The following KATNAL2 variants were observed in gnomAD, a reference collection of about 807,000 sequenced individuals.
KATNAL2 encodes the protein katanin p60 ATPase-containing subunit A-like 2.
A neutral mutation model predicts 76.3 loss-of-function variants in KATNAL2; 52 were observed. The observed-to-expected ratio is 0.68, with a 90% CI of 0.55 to 0.86. KATNAL2 has a LOEUF of 0.86. KATNAL2 is among the 40% of genes least tolerant of loss of function. The pLI, the probability that KATNAL2 is intolerant of heterozygous loss-of-function variation, is 0.00. For missense variants in KATNAL2, 660 were observed against 668.9 expected, an observed-to-expected ratio of 0.99 and a Z score of 0.15; for synonymous variants, 243 against 244.2, an observed-to-expected ratio of 1.00 and a Z score of 0.05.
At chr18:47,032,989 G>T in intron 3 of KATNAL2, 10 of 1,614,010 alleles carry the variant, frequency 6.2e-6, no homozygotes, top group South Asian at 1.1e-5. Flanking sequence ...TTATCTGCAA[G>T]GCAAGTCCTG....
intron 2 of KATNAL2, 101 bp downstream of exon 2, chr18:46,946,647 T>C: frequency 8.6e-7 from 1 of 1,168,976 alleles, no homozygotes; most frequent in Non-Finnish European, 1.1e-6. Context: ...CTCTTCGATC[T>C]CTTCATTGGC....
At chr18:46,921,684 AAC>A (rs905804183) in intron 1 of KATNAL2, among the ~76,000 whole-genome samples, 1 of 150,248 alleles carries the variant, frequency 6.7e-6, no homozygotes, top group African/African-American at 2.5e-5. Context: ...ACAGCTGATA[AAC>A]ACATAACAAA....
intron 7 of KATNAL2, among the ~76,000 whole-genome samples, chr18:47,059,263 A>G (rs1224764456): frequency 1.3e-5 from 2 of 152,186 alleles, no homozygotes; most frequent in Non-Finnish European, 2.9e-5. Flanking sequence ...AAGACGAGCC[A>G]GCGAATGGGG....
At chr18:47,032,147 G>A (rs867544366) in intron 3 of KATNAL2, among the ~76,000 whole-genome samples, 19 of 152,334 alleles carry the variant, frequency 1.2e-4, no homozygotes, top group South Asian at 8.3e-4. Context: ...TGAAAAGTTT[G>A]GGAATGATTC....
At chr18:46,925,621 T>C (rs906635168) in intron 1 of KATNAL2, among the ~76,000 whole-genome samples, 3 of 152,236 alleles carry the variant, frequency 2.0e-5, no homozygotes, top group Non-Finnish European at 4.4e-5. Flanking sequence ...GAGGATTCCC[T>C]CTTTTTCTAT....
chr18:47,059,000 G>C (rs1234856751), intron 7 of KATNAL2, among the ~76,000 whole-genome samples: 1 of 152,100 alleles, frequency 6.6e-6, no homozygotes, highest in Non-Finnish European at 1.5e-5. Flanking sequence ...AAAGGAAAGA[G>C]GACCAATGGA....
intron 1 of KATNAL2, among the ~76,000 whole-genome samples, chr18:46,929,798 G>A (rs1030218084): frequency 7.9e-5 from 12 of 152,050 alleles, no homozygotes; most frequent in Non-Finnish European, 1.0e-4. Context: ...TTTTGAGACA[G>A]AGTTTCACTC....
In KATNAL2 at chr18:47,077,382, A is replaced by G. The variant is rs757206725; in HGVS notation, c.1132A>G (p.Thr378Ala). Reference protein sequence around the residue: ...GEHEGSLRMKTELLVQMDGLA... With the variant: ...GEHEGSLRMKAELLVQMDGLA... ...ACATGAAGGAAGCCTGCGGATGAAG[A>G]CAGAGTTACTGGTGCAGATGGATGG... The change falls in exon 15 of 18, where the codon ACA (threonine) becomes GCA (alanine). Residue 378 changes from threonine to alanine, a missense_variant. Thr to Ala is a moderately conservative substitution (Grantham distance 58, BLOSUM62 0). Transcript: ENST00000683218. 5.0e-6 allele frequency: 8 copies of G among 1,613,982 alleles called. No individual in the cohort carries two copies. The South Asian group carries it at 7.7e-5, about 16-fold the overall frequency.
intron 15 of KATNAL2, among the ~76,000 whole-genome samples, chr18:47,085,085 C>T (rs2062713875): frequency 6.6e-6 from 1 of 152,064 alleles, no homozygotes; most frequent in African/African-American, 2.4e-5. Context: ...CTTTGTGTTT[C>T]TTCCTGTGCT....
rs1555824605 is a variant in KATNAL2 at position 46,931,136 on chromosome 18, T to TAATA, written c.-510+13222_-510+13225dup. 4.1e-3 allele frequency among the ~76,000 whole-genome samples: 550 copies of TAATA among 132,742 alleles called. 7 individuals are homozygous for TAATA. Among genetic ancestry groups the TAATA allele is most frequent in the African/African-American group, 0.015 (528 of 34,988 alleles). 87.1% of individuals were successfully genotyped at this position (132,742 alleles called of 152,430 possible). The stretch of plus-strand genomic sequence containing the variant: ...ATAATAATAATAATAATAATAATAA[T>TAATA]AATAAATAAATAAATTAGCCAGGCG... On this transcript the variant is annotated intron_variant, in intron 1 of 17. Coordinates refer to ENST00000683218, the MANE Select transcript of KATNAL2 (RefSeq NM_001387690.1).
At chr18:47,034,881 G>C in intron 3 of KATNAL2, 1 of 1,612,144 alleles carries the variant, frequency 6.2e-7, no homozygotes, top group Non-Finnish European at 8.5e-7. Context: ...CTGTCCGTCT[G>C]TGCTCAGGGC....
At chr18:46,926,014 G>C (rs1430927192) in intron 1 of KATNAL2, among the ~76,000 whole-genome samples, 1 of 151,894 alleles carries the variant, frequency 6.6e-6, no homozygotes, top group Non-Finnish European at 1.5e-5. Flanking sequence ...TATCAATTTT[G>C]TTGATCTTTT....
At chr18:47,078,295 T>G (rs1455508731) in intron 15 of KATNAL2, among the ~76,000 whole-genome samples, 1 of 152,146 alleles carries the variant, frequency 6.6e-6, no homozygotes, top group Non-Finnish European at 1.5e-5. Context: ...CTGTAGTGCA[T>G]GCTAATTATC....
intron 1 of KATNAL2, among the ~76,000 whole-genome samples, chr18:46,933,740 T>G (rs1205178813): frequency 7.4e-6 from 1 of 134,400 alleles, no homozygotes; most frequent in African/African-American, 2.8e-5. Context: ...GCTGCACCCA[T>G]TAACTCGTCA....
At chr18:47,033,941 G>A in intron 3 of KATNAL2, 1 of 1,613,002 alleles carries the variant, frequency 6.2e-7, no homozygotes, top group Non-Finnish European at 8.5e-7. Flanking sequence ...CCGGCCGCCT[G>A]CAGCCTCTCT....
chr18:47,071,947 T>TTTC (rs769575055), intron 13 of KATNAL2, among the ~76,000 whole-genome samples: 1 of 103,424 alleles, frequency 9.7e-6, no homozygotes, highest in Non-Finnish European at 2.1e-5. Flanking sequence ...CCTCTCCCAA[T>TTTC]TTCTTCTTTT....
At chr18:46,934,238 G>A (rs1322931818) in intron 1 of KATNAL2, among the ~76,000 whole-genome samples, 1 of 152,154 alleles carries the variant, frequency 6.6e-6, no homozygotes, top group African/African-American at 2.4e-5. Context: ...CTTCCACAAT[G>A]GTTGAACTAG....
rs556589428 is a variant in KATNAL2, at chr18:47,039,068, C to G, written c.52-7389C>G. 2.6e-5 allele frequency among the ~76,000 whole-genome samples: 4 copies of G among 152,226 alleles called. No homozygotes were observed. In the South Asian group the frequency reaches 8.3e-4, roughly 32 times the overall value. On this transcript the variant is annotated intron_variant, in intron 3 of 17. Transcript: ENST00000683218. The stretch of plus-strand genomic sequence containing the variant: ...GTGTGTGATAACCAGTTCTTTTACC[C>G]CCATCATTTCCATCTTGAATAGCTT...
In KATNAL2 at chr18:47,032,729, G is replaced by GT. The variant is rs879084707; in HGVS notation, c.52-13723dup. On this transcript the variant is annotated intron_variant, in intron 3 of 17. Coordinates refer to ENST00000683218, the MANE Select transcript of KATNAL2 (RefSeq NM_001387690.1). ...CCTTATTTATGATTACAACTAGGGTGTTTTTAAAAATTATCAGTGAACATC... is the reference window on the plus strand; with the variant it reads ...CCTTATTTATGATTACAACTAGGGTGTTTTTTAAAAATTATCAGTGAACATC... The GT allele has an allele frequency of 1.2e-4, 70 of 570,494 alleles. 1 individual carries two copies. In the South Asian group the frequency reaches 1.4e-3, roughly 12 times the overall value. The allele number at this position is 570,494 out of a possible 1,614,324, so 35.3% of individuals were successfully genotyped here. A position where few individuals can be genotyped will look rare whatever the true frequency, so the allele number is the denominator to read the frequency against.
Sources: allele counts gnomAD v4.1 joint callset (sites outside exome capture counted in the v4.1 genomes callset), GRCh38; gene constraint gnomAD v4.1.1; transcripts MANE v1.5; gene names NCBI Gene and HGNC (gene_info 2026-07-23, HGNC 2026-07-21).